The following MCTP1 variants were observed in gnomAD, a reference collection of about 807,000 sequenced individuals.
The protein encoded by MCTP1 is multiple C2 and transmembrane domain-containing protein 1.
MCTP1 carries 69 observed loss-of-function variants against 120.6 expected under a neutral mutation model. The observed-to-expected ratio is 0.57, with a 90% CI of 0.47 to 0.70. The LOEUF is 0.70. Ranked by LOEUF, MCTP1 falls within the 30% of genes least tolerant of loss-of-function variation. The pLI, the probability that MCTP1 is intolerant of heterozygous loss-of-function variation, is 0.00. For missense variants in MCTP1, 1,203 were observed against 1,248.8 expected, an observed-to-expected ratio of 0.96 and a Z score of 0.55; for synonymous variants, 529 against 493.1, an observed-to-expected ratio of 1.07 and a Z score of -0.96.
At chr5:94,888,684 T>G (rs1232009950) in intron 12 of MCTP1, among the ~76,000 whole-genome samples, 195 bp downstream of exon 12, 3 of 152,194 alleles carry the variant, frequency 2.0e-5, no homozygotes, top group Non-Finnish European at 1.5e-5. Context: ...TTATTTTTAA[T>G]ACATTACCCT....
chr5:95,275,744 G>T (rs2152739107), intron 1 of MCTP1, among the ~76,000 whole-genome samples: 1 of 152,188 alleles, frequency 6.6e-6, no homozygotes, highest in East Asian at 1.9e-4. Context: ...ATTCTAACTA[G>T]CCATGTTTCC....
At chr5:94,902,417 G>A (rs1021240357) in intron 10 of MCTP1, among the ~76,000 whole-genome samples, 3 of 152,170 alleles carry the variant, frequency 2.0e-5, no homozygotes, top group Middle Eastern at 3.4e-3. Context: ...ATGCCTTAAA[G>A]TACTAACTAA....
At chr5:95,081,316 C>A in intron 1 of MCTP1, 2 of 830,898 alleles carry the variant, frequency 2.4e-6, no homozygotes, top group Non-Finnish European at 1.9e-6. Context: ...TCAAATGCAA[C>A]CTTCAATACC....
intron 19 of MCTP1, among the ~76,000 whole-genome samples, chr5:94,724,254 C>T (rs1761619124): frequency 6.6e-6 from 1 of 151,994 alleles, no homozygotes; most frequent in Admixed American, 6.6e-5. Context: ...AACCCCCCAA[C>T]TTTTGCTTTG....
chr5:94,740,093 T>C (rs1765171608), intron 19 of MCTP1, among the ~76,000 whole-genome samples: 1 of 152,260 alleles, frequency 6.6e-6, no homozygotes, highest in African/African-American at 2.4e-5. Context: ...AATATATGTA[T>C]ATGTACATTT....
intron 18 of MCTP1, among the ~76,000 whole-genome samples, chr5:94,783,776 T>C (rs992448125): frequency 6.6e-6 from 1 of 152,112 alleles, no homozygotes; most frequent in East Asian, 1.9e-4. Flanking sequence ...AATTTTTCCA[T>C]GAGTAAATTC....
At chr5:94,914,712 T>C (rs899663827) in intron 8 of MCTP1, among the ~76,000 whole-genome samples, 4 of 152,220 alleles carry the variant, frequency 2.6e-5, no homozygotes, top group Admixed American at 2.6e-4. Flanking sequence ...CTGCAAGTTC[T>C]GCAGAACTCC....
intron 19 of MCTP1, among the ~76,000 whole-genome samples, chr5:94,763,416 T>C (rs1366787919): frequency 6.6e-6 from 1 of 152,218 alleles, no homozygotes; most frequent in Non-Finnish European, 1.5e-5. Context: ...TACTACATAC[T>C]CCTTGATTTT....
chr5:94,850,477 T>G (rs753018163), intron 17 of MCTP1, among the ~76,000 whole-genome samples: 6 of 152,168 alleles, frequency 3.9e-5, no homozygotes, highest in Admixed American at 2.0e-4. Flanking sequence ...AACTGCAGAA[T>G]GACATACAAG....
intron 5 of MCTP1, among the ~76,000 whole-genome samples, chr5:94,936,145 A>C (rs1816146196): frequency 6.6e-6 from 1 of 152,020 alleles, no homozygotes; most frequent in Non-Finnish European, 1.5e-5. Flanking sequence ...TTAATATACT[A>C]ATTTTAAGAA....
intron 1 of MCTP1, among the ~76,000 whole-genome samples, chr5:95,032,197 A>C (rs946192910): frequency 3.3e-5 from 5 of 152,104 alleles, no homozygotes; most frequent in African/African-American, 1.2e-4. Flanking sequence ...GCAGACAACT[A>C]ACAAAGAAAC....
chr5:95,257,479 A>G (rs1758007539), intron 1 of MCTP1, among the ~76,000 whole-genome samples: 1 of 152,210 alleles, frequency 6.6e-6, no homozygotes, highest in African/African-American at 2.4e-5. Context: ...ATGAATGCCT[A>G]CATTGTTTTT....
chr5:95,201,239 A>G (rs1446199829), intron 1 of MCTP1, among the ~76,000 whole-genome samples: 2 of 152,204 alleles, frequency 1.3e-5, no homozygotes, highest in Non-Finnish European at 2.9e-5. Context: ...CAACATCCAC[A>G]TATCATAGGA....
intron 18 of MCTP1, 87 bp downstream of exon 18, chr5:94,798,926 T>G: frequency 7.0e-7 from 1 of 1,429,960 alleles, no homozygotes; most frequent in Admixed American, 2.4e-5. Flanking sequence ...GAATTCCTGG[T>G]TTGTAAAGCC....
chr5:95,107,156 C>A (rs1757142221), intron 1 of MCTP1, among the ~76,000 whole-genome samples: 1 of 152,130 alleles, frequency 6.6e-6, no homozygotes. Context: ...TTTAGGAGTT[C>A]ATTTAAATAG....
At chr5:94,715,780 A>G (rs561548304) in intron 19 of MCTP1, among the ~76,000 whole-genome samples, 2 of 152,346 alleles carry the variant, frequency 1.3e-5, no homozygotes, top group South Asian at 4.1e-4. Context: ...AGTGGAGACC[A>G]TCCAACCCTG....
At chr5:95,090,894 A>G (rs1755795309) in intron 1 of MCTP1, among the ~76,000 whole-genome samples, 1 of 152,216 alleles carries the variant, frequency 6.6e-6, no homozygotes, top group Non-Finnish European at 1.5e-5. Context: ...TCTGCACAAG[A>G]CACTGGGACA....
chr5:95,170,062 C>T (rs1747030919), intron 1 of MCTP1, among the ~76,000 whole-genome samples: 1 of 152,162 alleles, frequency 6.6e-6, no homozygotes, highest in Non-Finnish European at 1.5e-5. Flanking sequence ...CTATAAATTT[C>T]CCTCTACACA....
At chr5:95,050,421 A>G (rs531472199) in intron 1 of MCTP1, among the ~76,000 whole-genome samples, 1 of 152,142 alleles carries the variant, frequency 6.6e-6, no homozygotes, top group Non-Finnish European at 1.5e-5. Context: ...TCTTCCTTTC[A>G]TCTTTATCTG....
Sources: allele counts gnomAD v4.1 joint callset (sites outside exome capture counted in the v4.1 genomes callset), GRCh38; gene constraint gnomAD v4.1.1; transcripts MANE v1.5; gene names NCBI Gene and HGNC (gene_info 2026-07-23, HGNC 2026-07-21).